FHIT: variants seen among roughly 807,000 people sequenced by gnomAD.
FHIT encodes fragile histidine triad diadenosine triphosphatase.
A neutral mutation model predicts 17.9 loss-of-function variants in FHIT; 19 were observed. The ratio of observed to expected loss-of-function variants is 1.06; its 90% CI spans 0.74 to 1.56. The LOEUF (loss-of-function observed/expected upper bound fraction) is 1.56. Ranked by LOEUF, FHIT falls within the 40% of genes most tolerant of loss-of-function variation. FHIT has a pLI of 0.00. For missense variants in FHIT, 248 were observed against 189.2 expected, an observed-to-expected ratio of 1.31 and a Z score of -1.82; for synonymous variants, 81 against 69.7, an observed-to-expected ratio of 1.16 and a Z score of -0.81.
chr3:61,017,089 C>G (rs933777722), intron 3 of FHIT, among the ~76,000 whole-genome samples: 1 of 152,162 alleles, frequency 6.6e-6, no homozygotes, highest in Admixed American at 6.5e-5. Flanking sequence ...GAGTTCAAGA[C>G]CAGCCTGGCC....
At position 60,613,417 on chromosome 3, in the gene FHIT, C is replaced by A. The variant is rs951328472; in HGVS notation, c.-17-76438G>T. Among the ~76,000 whole-genome samples the A allele has an allele frequency of 1.3e-5, 2 of 152,104 alleles. 1 individual carries two copies. Among genetic ancestry groups the A allele is most frequent in the Admixed American group, 1.3e-4 (2 of 15,274 alleles). On this transcript the variant is annotated intron_variant, in intron 4 of 9. Transcript: ENST00000492590. ...TGGGGAGTAAGGTAGACAAAAGGAT[C>A]TAAAGAGTGGAGTCCAAAAGCACAA...
intron 3 of FHIT, among the ~76,000 whole-genome samples, chr3:60,961,265 C>A (rs1709426473): frequency 1.3e-5 from 2 of 148,446 alleles, no homozygotes; most frequent in South Asian, 4.2e-4. Context: ...CCTTCGTTCA[C>A]TTTTTGATGG....
chr3:59,790,436 T>C (rs1342268302), intron 8 of FHIT, among the ~76,000 whole-genome samples: 2 of 152,254 alleles, frequency 1.3e-5, no homozygotes, highest in East Asian at 3.9e-4. Context: ...GCCAGCTAAT[T>C]ATAGTAAGAG....
At chr3:61,032,084 T>C (rs1280380741) in intron 3 of FHIT, among the ~76,000 whole-genome samples, 1 of 152,198 alleles carries the variant, frequency 6.6e-6, no homozygotes, top group Admixed American at 6.5e-5. Context: ...CCAACGTCAG[T>C]GATTGGAGTC....
chr3:60,238,131 G>A (rs1202294849), intron 5 of FHIT, among the ~76,000 whole-genome samples: 3 of 126,526 alleles, frequency 2.4e-5, no homozygotes, highest in Admixed American at 9.5e-5. Context: ...GGCACCAAGC[G>A]AGACTCCGTC....
intron 5 of FHIT, among the ~76,000 whole-genome samples, chr3:60,149,740 C>T (rs974584606): frequency 6.6e-6 from 1 of 151,976 alleles, no homozygotes; most frequent in Non-Finnish European, 1.5e-5. Flanking sequence ...GAATGTGCCT[C>T]AGGCCAAGCT....
chr3:60,436,751 C>A (rs2030288702), intron 5 of FHIT, among the ~76,000 whole-genome samples: 1 of 152,038 alleles, frequency 6.6e-6, no homozygotes, highest in Non-Finnish European at 1.5e-5. Flanking sequence ...CAGATCTGAG[C>A]CAAAAGAGGT....
intron 4 of FHIT, among the ~76,000 whole-genome samples, chr3:60,679,203 G>A (rs191742113): frequency 9.8e-4 from 149 of 152,054 alleles, no homozygotes; most frequent in African/African-American, 3.5e-3. Context: ...TCAAGTATAG[G>A]CAGAAGTTGG....
intron 3 of FHIT, among the ~76,000 whole-genome samples, chr3:60,843,836 GTAAC>G (rs1452882143): frequency 6.6e-6 from 1 of 152,074 alleles, no homozygotes; most frequent in Non-Finnish European, 1.5e-5. Flanking sequence ...TCCAACGCAG[GTAAC>G]TATAGGTGGG....
chr3:61,002,709 T>C (rs1373848498), intron 3 of FHIT, among the ~76,000 whole-genome samples: 2 of 152,298 alleles, frequency 1.3e-5, no homozygotes. Flanking sequence ...GGCCCGTTGA[T>C]TGCTCAGGGT....
intron 8 of FHIT, among the ~76,000 whole-genome samples, chr3:59,866,138 T>G (rs1702637266): frequency 6.6e-6 from 1 of 151,396 alleles, no homozygotes; most frequent in Non-Finnish European, 1.5e-5. Flanking sequence ...AGATAGAGAG[T>G]ACCTGGAGTA....
Position 60,011,387 on chromosome 3 carries a change from G to C in FHIT, c.263C>G (p.Ala88Gly). 1 of 1,613,472 alleles carries C rather than the reference G, an allele frequency of 6.2e-7. No individual in the cohort carries two copies. The highest frequency in any genetic ancestry group is 1.1e-5 in the South Asian group (1 of 91,072). The change falls in exon 7 of 10, where the codon GCC (alanine) becomes GGC (glycine). Residue 88 changes from alanine (A) to glycine (G), a missense_variant. Transcript: ENST00000492590. ...AGCACTCACCTTCACAGTCTGTCCG[G>C]CTTCGGGGCCATCCTAGAAGTAGGA... ...LTFSMQDGPE[A>G]GQTVKHVHVH...
At chr3:61,137,186 T>C (rs1199762068) in intron 2 of FHIT, among the ~76,000 whole-genome samples, 1 of 151,766 alleles carries the variant, frequency 6.6e-6, no homozygotes, top group Non-Finnish European at 1.5e-5. Flanking sequence ...CAGTTTTATA[T>C]CATATCCCTG....
chr3:60,567,582 CA>C lies in FHIT; in HGVS notation c.-17-30604del, dbSNP rs35059482. 4.8e-3 allele frequency among the ~76,000 whole-genome samples: 724 copies of C among 152,234 alleles called. 40 individuals carry two copies. The East Asian group carries it at 0.12, about 25-fold the overall frequency. On this transcript the variant is annotated intron_variant, in intron 4 of 9. Transcript: ENST00000492590. ...ATGTCCAAAACACTAAAAGCAATGG[CA>C]ACAAAAGCCAAAATTGACAAATGGG...
In FHIT at chr3:60,590,084, T is replaced by C. The variant is rs114150548; in HGVS notation, c.-17-53105A>G. Among the ~76,000 whole-genome samples, 806 of 152,180 alleles carry C rather than the reference T, an allele frequency of 5.3e-3. 12 individuals carry two copies. The highest frequency in any genetic ancestry group is 0.018 in the African/African-American group (767 of 41,562). ...ATTTTACTCTTCCAAGTTTTAAAAA[T>C]AAATTGCAAAATAATTTTTCTCTAA... On this transcript the variant is annotated intron_variant, in intron 4 of 9. Coordinates refer to ENST00000492590, the MANE Select transcript of FHIT (RefSeq NM_002012.4).
intron 3 of FHIT, among the ~76,000 whole-genome samples, chr3:60,977,717 C>T (rs1481979170): frequency 1.3e-5 from 2 of 151,892 alleles, no homozygotes; most frequent in African/African-American, 2.4e-5. Flanking sequence ...ACTAAAAATA[C>T]AAAATTAGCC....
intron 5 of FHIT, among the ~76,000 whole-genome samples, chr3:60,374,081 T>C (rs1700445650): frequency 1.3e-5 from 2 of 152,244 alleles, no homozygotes; most frequent in Non-Finnish European, 2.9e-5. Context: ...CTCATTTCTC[T>C]GAATTATTTT....
intron 3 of FHIT, among the ~76,000 whole-genome samples, chr3:60,823,994 C>T (rs1702027772): frequency 6.6e-6 from 1 of 152,148 alleles, no homozygotes; most frequent in Non-Finnish European, 1.5e-5. Context: ...GGCAGGAAAC[C>T]AGGTCAGAGT....
chr3:60,727,877 G>T (rs2041949827), intron 4 of FHIT, among the ~76,000 whole-genome samples: 1 of 152,134 alleles, frequency 6.6e-6, no homozygotes. Context: ...GGTGGCGGGT[G>T]CCTGCGGTCC....
Sources: gnomAD v4.1 joint callset for allele counts (sites outside exome capture counted in the v4.1 genomes callset) on GRCh38, gnomAD v4.1.1 for gene constraint, MANE v1.5 for transcripts, NCBI Gene and HGNC (gene_info 2026-07-23, HGNC 2026-07-21) for gene names.